Variants in ARL3 observed in about 807,000 individuals in gnomAD.
ARL3 encodes ARF like GTPase 3.
A neutral mutation model predicts 26.0 loss-of-function variants in ARL3; 9 were observed. The ratio of observed to expected loss-of-function variants is 0.35; its 90% CI spans 0.21 to 0.60. The LOEUF is 0.60. Ranked by LOEUF, ARL3 falls within the 20% of genes least tolerant of loss-of-function variation. The pLI, the probability that ARL3 is intolerant of heterozygous loss-of-function variation, is 0.78. For missense variants in ARL3, 158 were observed against 215.7 expected, an observed-to-expected ratio of 0.73 and a Z score of 1.67; for synonymous variants, 71 against 78.4, an observed-to-expected ratio of 0.91 and a Z score of 0.50.
chr10:102,711,818 T>A (rs1051398906), intron 1 of ARL3, among the ~76,000 whole-genome samples: 2 of 152,132 alleles, frequency 1.3e-5, no homozygotes, highest in Non-Finnish European at 2.9e-5. Flanking sequence ...GATGATGCTA[T>A]GAGGATGAAA....
At chr10:102,706,577 A>G (rs764014449) in intron 1 of ARL3, among the ~76,000 whole-genome samples, 1 of 152,210 alleles carries the variant, frequency 6.6e-6, no homozygotes, top group Admixed American at 6.5e-5. Flanking sequence ...TTTTTAGATG[A>G]AAAATTTGGT....
intron 5 of ARL3, among the ~76,000 whole-genome samples, chr10:102,680,888 TTAG>T (rs2064153377): frequency 1.3e-5 from 2 of 152,250 alleles, no homozygotes; most frequent in South Asian, 4.1e-4. Flanking sequence ...TGGCTCGCTA[TTAG>T]TAGTTTTTTT....
At chr10:102,681,126 G>A (rs1346203414) in intron 5 of ARL3, among the ~76,000 whole-genome samples, 1 of 151,672 alleles carries the variant, frequency 6.6e-6, no homozygotes, top group Non-Finnish European at 1.5e-5. Flanking sequence ...GGTGGCTCAC[G>A]CCTGTAATCC....
intron 2 of ARL3, 66 bp downstream of exon 2, chr10:102,705,280 T>G (rs1208965925): frequency 1.4e-6 from 2 of 1,474,042 alleles, no homozygotes; most frequent in Non-Finnish European, 1.8e-6. Flanking sequence ...TTTCCCATTT[T>G]GTCTTTCACA....
chr10:102,688,784 C>G (rs928534955), intron 4 of ARL3, among the ~76,000 whole-genome samples: 6 of 152,008 alleles, frequency 3.9e-5, no homozygotes, highest in Admixed American at 6.6e-5. Flanking sequence ...ATTACAGGCG[C>G]GAGCCACCGC....
At chr10:102,694,741 G>A (rs1175506433) in intron 3 of ARL3, among the ~76,000 whole-genome samples, 3 of 151,182 alleles carry the variant, frequency 2.0e-5, no homozygotes, top group Non-Finnish European at 2.9e-5. Context: ...TTTTTGAGAC[G>A]GAGTTTCACA....
rs1347564070 is a variant in ARL3, at chr10:102,673,867, G to A, written c.*3027C>T. The A allele has an allele frequency of 6.6e-6, 1 of 152,368 alleles. No individual in the cohort carries two copies. The highest frequency in any genetic ancestry group is 1.5e-5 in the Non-Finnish European group (1 of 68,028). The allele number at this position is 152,368 out of a possible 1,614,324, so 9.4% of individuals were successfully genotyped here. ...AGGGATTATAAAAAAAGAACCTTTT[G>A]ATGGATCAGACTGAACCCTGAAACC... On this transcript the variant is annotated 3_prime_UTR_variant, in exon 6 of 6. Coordinates refer to ENST00000260746, the MANE Select transcript of ARL3 (RefSeq NM_004311.4).
chr10:102,697,645 A>T (rs1160090240), intron 3 of ARL3, among the ~76,000 whole-genome samples: 1 of 152,130 alleles, frequency 6.6e-6, no homozygotes, highest in East Asian at 1.9e-4. Context: ...AAATCCTTCA[A>T]ATTAGACGAG....
At chr10:102,711,332 GTGTGTATA>G (rs765575241) in intron 1 of ARL3, among the ~76,000 whole-genome samples, 14 of 41,466 alleles carry the variant, frequency 3.4e-4, no homozygotes, top group Non-Finnish European at 5.1e-4. Context: ...GTGTGTGTGT[GTGTGTATA>G]TATATATATA....
intron 1 of ARL3, among the ~76,000 whole-genome samples, chr10:102,706,227 G>T (rs536991368): frequency 2.0e-5 from 3 of 152,064 alleles, no homozygotes; most frequent in East Asian, 1.9e-4. Flanking sequence ...CAAGGTGGGC[G>T]GATCACGAGG....
chr10:102,692,625 A>C (rs1002152408), intron 3 of ARL3, among the ~76,000 whole-genome samples: 3 of 152,136 alleles, frequency 2.0e-5, no homozygotes, highest in Non-Finnish European at 4.4e-5. Context: ...CATGCTGGCC[A>C]GGCTGGCCTC....
intron 5 of ARL3, among the ~76,000 whole-genome samples, chr10:102,679,179 C>A (rs1194092798): frequency 6.6e-6 from 1 of 152,126 alleles, no homozygotes; most frequent in Non-Finnish European, 1.5e-5. Flanking sequence ...GAGGCATTGG[C>A]CAACAATGGT....
At chr10:102,697,561 T>C (rs1254945338) in intron 3 of ARL3, among the ~76,000 whole-genome samples, 1 of 152,198 alleles carries the variant, frequency 6.6e-6, no homozygotes. Context: ...TGACTGTATA[T>C]GAAACTCAAG....
chr10:102,697,167 C>A (rs767970950), intron 3 of ARL3, among the ~76,000 whole-genome samples: 4 of 151,786 alleles, frequency 2.6e-5, no homozygotes, highest in Non-Finnish European at 5.9e-5. Flanking sequence ...ATAAATTTTT[C>A]AGCTTTATTA....
At chr10:102,684,511 C>A (rs2064172143) in intron 5 of ARL3, among the ~76,000 whole-genome samples, 1 of 152,068 alleles carries the variant, frequency 6.6e-6, no homozygotes, top group African/African-American at 2.4e-5. Context: ...AAGTGGTTTT[C>A]AGAAACACAA....
chr10:102,690,096 C>T (rs912515052), intron 3 of ARL3, among the ~76,000 whole-genome samples, 153 bp from the exon 4 acceptor site: 7 of 151,884 alleles, frequency 4.6e-5, no homozygotes, highest in Admixed American at 1.3e-4. Flanking sequence ...TTATGAAGGC[C>T]AAACAAACAA....
intron 3 of ARL3, 138 bp from the exon 4 acceptor site, chr10:102,690,081 C>T (rs2064208801): frequency 6.1e-6 from 3 of 491,430 alleles, no homozygotes; most frequent in Admixed American, 3.3e-5. Context: ...TGAGTCTCAT[C>T]TCATTTATGA....
intron 3 of ARL3, among the ~76,000 whole-genome samples, chr10:102,696,493 T>C (rs2064248890): frequency 6.6e-6 from 1 of 152,010 alleles, no homozygotes. Flanking sequence ...CTTGAACTCC[T>C]GACCTTGTGA....
intron 5 of ARL3, among the ~76,000 whole-genome samples, chr10:102,682,291 C>G (rs957340295): frequency 7.6e-6 from 1 of 131,252 alleles, no homozygotes; most frequent in African/African-American, 2.5e-5. Context: ...TTCTCGTGCC[C>G]TTTACCTACT....
Sources: allele counts gnomAD v4.1 joint callset (sites outside exome capture counted in the v4.1 genomes callset), GRCh38; gene constraint gnomAD v4.1.1; transcripts MANE v1.5; gene names NCBI Gene and HGNC (gene_info 2026-07-23, HGNC 2026-07-21).